The following BMP2K variants were observed in gnomAD, a reference collection of about 807,000 sequenced individuals.
The protein encoded by BMP2K is BMP-2-inducible protein kinase.
BMP2K carries 74 observed loss-of-function variants against 116.0 expected under a neutral mutation model. The observed-to-expected ratio is 0.64, with a 90% CI of 0.53 to 0.77. The LOEUF (loss-of-function observed/expected upper bound fraction) is 0.77. Ranked by LOEUF, BMP2K falls within the 30% of genes least tolerant of loss-of-function variation. BMP2K has a pLI of 0.00. For missense variants in BMP2K, 1,365 were observed against 1,403.6 expected, an observed-to-expected ratio of 0.97 and a Z score of 0.44; for synonymous variants, 486 against 502.5, an observed-to-expected ratio of 0.97 and a Z score of 0.44.
chr4:78,842,326 G>A (rs1312000693), intron 3 of BMP2K, 59 bp from the exon 4 acceptor site: 2 of 1,437,416 alleles, frequency 1.4e-6, no homozygotes, highest in Non-Finnish European at 1.9e-6. Flanking sequence ...TTCTTAATTT[G>A]CTTGTGATAG....
At chr4:78,822,263 G>C (rs1458605056) in intron 1 of BMP2K, among the ~76,000 whole-genome samples, 1 of 152,016 alleles carries the variant, frequency 6.6e-6, no homozygotes, top group Non-Finnish European at 1.5e-5. Flanking sequence ...TACCTTTTTT[G>C]TGTGTATGTG....
chr4:78,872,303 C>CTTTTTTTTTTTTTTTTTTTTTT (rs34599936), intron 12 of BMP2K: 1 of 92,280 alleles, frequency 1.1e-5, no homozygotes, highest in African/African-American at 4.2e-5. Flanking sequence ...ATAATTTGAC[C>CTTTTTTTTTTTTTTTTTTTTTT]TTTTTTTTTT....
In BMP2K at chr4:78,870,982, ACAG is replaced by A. The variant is rs752405558; in HGVS notation, c.1458_1460del (p.Gln486del). The A allele has an allele frequency of 1.7e-3, 2,680 of 1,578,442 alleles. 6 individuals are homozygous for A. Among genetic ancestry groups the A allele is most frequent in the Middle Eastern group, 0.015 (91 of 5,896 alleles). ...AGCAACAGCAGCAGCAGCAACAGCAACAGCAGCAGCAGCAGCAGCAGCAGCAGC... is the reference window on the plus strand; with the variant it reads ...AGCAACAGCAGCAGCAGCAACAGCAACAGCAGCAGCAGCAGCAGCAGCAGC... On this transcript the variant is annotated inframe_deletion, in exon 11 of 16. Transcript: ENST00000502613.
intron 15 of BMP2K, among the ~76,000 whole-genome samples, chr4:78,908,496 G>C (rs935139879): frequency 6.6e-6 from 1 of 152,154 alleles, no homozygotes; most frequent in Middle Eastern, 3.2e-3. Context: ...TGAGGGCTCA[G>C]TTTTGGATCT....
chr4:78,856,736 G>A (rs1041071467), intron 7 of BMP2K, among the ~76,000 whole-genome samples: 5 of 152,032 alleles, frequency 3.3e-5, no homozygotes, highest in African/African-American at 4.8e-5. Context: ...ATCTAAAGCC[G>A]AAGGAGCCTG....
Position 78,829,772 on chromosome 4 carries a change from TTTCTTTTCTTTTCTTTTCTC to T in BMP2K, c.297+3622_297+3641del, listed in dbSNP as rs1221802074. ...GAAACAATCTTTTCTTTTCTTTTCT[TTTCTTTTCTTTTCTTTTCTC>T]TTCTCTTCTCTTCTCTTCTCTTCTC... On this transcript the variant is annotated intron_variant, in intron 2 of 15. Coordinates refer to ENST00000502613, the MANE Select transcript of BMP2K (RefSeq NM_198892.2). Among the ~76,000 whole-genome samples the T allele has an allele frequency of 1.0e-4, 10 of 100,194 alleles. No homozygotes were observed. In the East Asian group the frequency reaches 1.7e-3, roughly 17 times the overall value. The allele number at this position is 100,194 out of a possible 152,430, so 65.7% of individuals were successfully genotyped here.
chr4:78,816,003 G>A (rs1729327822), intron 1 of BMP2K, among the ~76,000 whole-genome samples: 1 of 152,198 alleles, frequency 6.6e-6, no homozygotes, highest in African/African-American at 2.4e-5. Context: ...CTGGAATTCA[G>A]TCAAGGATTA....
chr4:78,810,856 G>T (rs1160825666), intron 1 of BMP2K, among the ~76,000 whole-genome samples: 1 of 151,854 alleles, frequency 6.6e-6, no homozygotes, highest in Non-Finnish European at 1.5e-5. Flanking sequence ...TAATTTCTAG[G>T]GTTGTGAAAA....
rs1011274561 is a variant in BMP2K, at chr4:78,911,684, G to T, written c.3137G>T (p.Ser1046Ile). 5 of 1,613,804 alleles carry T rather than the reference G, an allele frequency of 3.1e-6. No individual in the cohort carries two copies. The African/African-American group carries it at 5.3e-5, about 17-fold the overall frequency. Residue 1046 changes from serine to isoleucine, a missense_variant, in exon 16 of 16, where the codon AGT (serine) becomes ATT (isoleucine). Around this residue, in one of 3 missense-constraint regions of BMP2K, gnomAD observed 596 missense variants for 623.2 expected, o/e 0.96. Coordinates refer to ENST00000502613, the MANE Select transcript of BMP2K (RefSeq NM_198892.2). Reference sequence around the variant, plus strand: ...ATCTCAGACTCCAAGGAGAACATTAGTGTTGCACTGACTGATGGGAAAGAT... The same window carrying T: ...ATCTCAGACTCCAAGGAGAACATTATTGTTGCACTGACTGATGGGAAAGAT... Reference protein sequence around the residue: ...LTISDSKENISVALTDGKDRG... With the variant: ...LTISDSKENIIVALTDGKDRG...
chr4:78,904,656 C>T (rs555795585), intron 15 of BMP2K, among the ~76,000 whole-genome samples: 2 of 152,000 alleles, frequency 1.3e-5, no homozygotes, highest in South Asian at 4.1e-4. Context: ...TGGGGATTTG[C>T]TCTCATTTTC....
At chr4:78,878,236 T>G (rs897255173) in intron 13 of BMP2K, among the ~76,000 whole-genome samples, 1 of 152,214 alleles carries the variant, frequency 6.6e-6, no homozygotes, top group African/African-American at 2.4e-5. Context: ...ATTACTGTGG[T>G]GTCCCAGCAT....
intron 8 of BMP2K, chr4:78,860,015 G>GT (rs375841644): frequency 0.25 from 104,973 of 426,238 alleles, 2 homozygotes; most frequent in South Asian, 0.34. Context: ...AGGACTGTTA[G>GT]TTTTTTTTTT....
chr4:78,829,798 T>TTTTC (rs1277195008), intron 2 of BMP2K, among the ~76,000 whole-genome samples: 1 of 81,974 alleles, frequency 1.2e-5, no homozygotes, highest in African/African-American at 4.7e-5. Flanking sequence ...TTCTCTTCTC[T>TTTTC]TCTCTTCTCT....
chr4:78,796,649 A>G (rs1728300071), intron 1 of BMP2K, among the ~76,000 whole-genome samples: 1 of 152,192 alleles, frequency 6.6e-6, no homozygotes, highest in African/African-American at 2.4e-5. Context: ...GGTTGGCATA[A>G]TGCTGAATTT....
intron 1 of BMP2K, among the ~76,000 whole-genome samples, chr4:78,811,884 G>A (rs1023322555): frequency 3.9e-5 from 6 of 152,002 alleles, no homozygotes; most frequent in Non-Finnish European, 8.8e-5. Flanking sequence ...TAACTGACTC[G>A]GTTAGGGATT....
chr4:78,811,881 C>T (rs1729109021), intron 1 of BMP2K, among the ~76,000 whole-genome samples: 1 of 152,152 alleles, frequency 6.6e-6, no homozygotes, highest in Admixed American at 6.5e-5. Flanking sequence ...ATTTAACTGA[C>T]TCGGTTAGGG....
chr4:78,782,083 T>C (rs1727529319), intron 1 of BMP2K, among the ~76,000 whole-genome samples: 1 of 152,250 alleles, frequency 6.6e-6, no homozygotes, highest in Non-Finnish European at 1.5e-5. Context: ...AGGTGAATAC[T>C]CTTTGCGCCT....
Position 78,911,728 on chromosome 4 carries a change from C to T in BMP2K, c.3181C>T (p.Pro1061Ser), listed in dbSNP as rs1375744924. ...DGKDRGNVLQPEESLLDPFGA... is the reference protein window; with the variant it reads ...DGKDRGNVLQSEESLLDPFGA... Reference sequence around the variant, plus strand: ...GAAAGATAGGGGGAATGTCTTACAACCTGAGGAGAGCCTGTTGGACCCCTT... The same window carrying T: ...GAAAGATAGGGGGAATGTCTTACAATCTGAGGAGAGCCTGTTGGACCCCTT... The change falls in exon 16 of 16, where the codon CCT becomes TCT. Residue 1061 changes from proline to serine, a missense_variant. By Grantham distance (74) the Pro-to-Ser change is moderately conservative. Coordinates refer to ENST00000502613, the MANE Select transcript of BMP2K (RefSeq NM_198892.2). 2 of 1,613,874 alleles carry T rather than the reference C, an allele frequency of 1.2e-6. No homozygotes were observed. The highest frequency in any genetic ancestry group is 2.2e-5 in the East Asian group (1 of 44,882).
chr4:78,817,403 A>G (rs1227384784), intron 1 of BMP2K, among the ~76,000 whole-genome samples: 1 of 152,190 alleles, frequency 6.6e-6, no homozygotes, highest in African/African-American at 2.4e-5. Flanking sequence ...TTTGGGTTTG[A>G]TAATTTGCTA....
Sources: gnomAD v4.1 joint callset for allele counts (sites outside exome capture counted in the v4.1 genomes callset) on GRCh38, gnomAD v4.1.1 for gene constraint, gnomAD v4.1.1 regional missense constraint, MANE v1.5 for transcripts, NCBI Gene and HGNC (gene_info 2026-07-23, HGNC 2026-07-21) for gene names.